Variants in GRK5 observed in about 807,000 individuals in gnomAD.
GRK5 encodes g protein-coupled receptor kinase GRK5.
GRK5 carries 40 observed loss-of-function variants against 78.4 expected under a neutral mutation model. The observed-to-expected ratio is 0.51, with a 90% confidence interval of 0.40 to 0.66. The LOEUF is 0.66. Ranked by LOEUF, GRK5 falls within the 30% of genes least tolerant of loss-of-function variation. The pLI is 0.00. For missense variants in GRK5, 598 were observed against 759.9 expected, an observed-to-expected ratio of 0.79 and a Z score of 2.50; for synonymous variants, 289 against 296.8, an observed-to-expected ratio of 0.97 and a Z score of 0.27.
chr10:119,419,944 G>A (rs1290372434), intron 4 of GRK5, among the ~76,000 whole-genome samples: 1 of 152,142 alleles, frequency 6.6e-6, no homozygotes, highest in Non-Finnish European at 1.5e-5. Flanking sequence ...GCAGAGTACC[G>A]GGGGCTAGGG....
At chr10:119,301,165 G>GAA in intron 1 of GRK5, among the ~76,000 whole-genome samples, 1 of 152,082 alleles carries the variant, frequency 6.6e-6, no homozygotes, top group East Asian at 1.9e-4. Flanking sequence ...TTCATAAAGT[G>GAA]ATGAAGTGCA....
intron 1 of GRK5, among the ~76,000 whole-genome samples, chr10:119,313,038 A>ACGG (rs1850398698): frequency 1.2e-4 from 1 of 8,180 alleles, no homozygotes; most frequent in Non-Finnish European, 2.8e-4. Flanking sequence ...GGCAGTGGTG[A>ACGG]TGGTGGTGGT....
intron 1 of GRK5, among the ~76,000 whole-genome samples, chr10:119,248,746 G>A (rs904477684): frequency 1.3e-5 from 2 of 152,208 alleles, no homozygotes; most frequent in Non-Finnish European, 2.9e-5. Flanking sequence ...TATGAAAACG[G>A]TGTGAAATTC....
intron 1 of GRK5, among the ~76,000 whole-genome samples, chr10:119,289,009 C>G (rs953287897): frequency 1.3e-5 from 2 of 150,968 alleles, no homozygotes; most frequent in Non-Finnish European, 1.5e-5. Flanking sequence ...AAAAAACATG[C>G]CTTTTCCCCC....
At chr10:119,272,220 T>C (rs1448205921) in intron 1 of GRK5, among the ~76,000 whole-genome samples, 1 of 152,214 alleles carries the variant, frequency 6.6e-6, no homozygotes, top group Non-Finnish European at 1.5e-5. Flanking sequence ...TGGCCTCTGC[T>C]CTCACCAGCT....
In GRK5 at chr10:119,253,644, G is replaced by T. The variant is rs369137889; in HGVS notation, c.52+45675G>T. Among the ~76,000 whole-genome samples the T allele has an allele frequency of 5.9e-5, 9 of 152,322 alleles. No homozygotes were observed. The highest frequency in any genetic ancestry group is 2.2e-4 in the African/African-American group (9 of 41,580). ...GCTCACCATAAAAATGGTGTGAGTGGCCAGCTCTTTTTTCACTGTGGCTCT... is the reference window on the plus strand; with the variant it reads ...GCTCACCATAAAAATGGTGTGAGTGTCCAGCTCTTTTTTCACTGTGGCTCT... On this transcript the variant is annotated intron_variant, in intron 1 of 15. Transcript: ENST00000392870. The surrounding 1 kb of genome is among the most constrained non-coding windows in gnomAD (Gnocchi z 5.7).
intron 3 of GRK5, 97 bp from the exon 4 acceptor site, chr10:119,396,598 G>A: frequency 3.0e-6 from 3 of 992,676 alleles, no homozygotes; most frequent in Non-Finnish European, 4.7e-6. Flanking sequence ...TGGTCAGGTG[G>A]CCTCTAGGGG....
chr10:119,240,458 C>T (rs1433766959), intron 1 of GRK5, among the ~76,000 whole-genome samples: 1 of 152,072 alleles, frequency 6.6e-6, no homozygotes, highest in Admixed American at 6.5e-5. Flanking sequence ...GCCTCAGCCT[C>T]CCAAAGTGCT....
chr10:119,295,978 A>G (rs1042939082), intron 1 of GRK5, among the ~76,000 whole-genome samples: 1 of 152,240 alleles, frequency 6.6e-6, no homozygotes, highest in Non-Finnish European at 1.5e-5. Context: ...AAAACCCATC[A>G]GGATGATTTG....
chr10:119,333,429 A>G (rs1850818442), intron 2 of GRK5: 1 of 207,424 alleles, frequency 4.8e-6, no homozygotes, highest in South Asian at 7.0e-5. Context: ...AGTCATGATC[A>G]CAGTGATGTC....
intron 2 of GRK5, among the ~76,000 whole-genome samples, chr10:119,369,915 G>A (rs531753684): frequency 4.0e-5 from 6 of 151,322 alleles, no homozygotes; most frequent in South Asian, 2.1e-4. Context: ...CTGACCCTCC[G>A]TTTACCCAGC....
At chr10:119,426,996 T>C (rs907989480) in intron 6 of GRK5, among the ~76,000 whole-genome samples, 1 of 88,228 alleles carries the variant, frequency 1.1e-5, no homozygotes, top group South Asian at 3.7e-4. Context: ...ATCACCACCA[T>C]CAACAGCATC....
At chr10:119,424,168 G>T (rs1176216930) in intron 5 of GRK5, among the ~76,000 whole-genome samples, 1 of 152,186 alleles carries the variant, frequency 6.6e-6, no homozygotes, top group African/African-American at 2.4e-5. Flanking sequence ...ATCCAACAGT[G>T]GGTGGGGTCT....
chr10:119,320,546 G>A (rs1379123673), intron 1 of GRK5, among the ~76,000 whole-genome samples: 2 of 152,208 alleles, frequency 1.3e-5, no homozygotes, highest in Non-Finnish European at 1.5e-5. Flanking sequence ...TCCATGGCAC[G>A]TGGAGAATGG....
At chr10:119,263,705 C>T (rs757233989) in intron 1 of GRK5, among the ~76,000 whole-genome samples, 11 of 152,104 alleles carry the variant, frequency 7.2e-5, no homozygotes, top group South Asian at 2.1e-4. Flanking sequence ...GGGCTGATCA[C>T]GATGTCAGAA....
intron 2 of GRK5, among the ~76,000 whole-genome samples, chr10:119,373,325 T>C (rs12415779): frequency 0.19 from 28,632 of 152,150 alleles, 3,023 homozygotes; most frequent in East Asian, 0.37. Flanking sequence ...CTAAATCTCA[T>C]GTTGAATTGT....
At chr10:119,351,086 G>A (rs924828313) in intron 2 of GRK5, among the ~76,000 whole-genome samples, 1 of 152,154 alleles carries the variant, frequency 6.6e-6, no homozygotes, top group Non-Finnish European at 1.5e-5. Context: ...AAATATGTCA[G>A]AATCATGTTA....
In GRK5 at chr10:119,209,854, T is replaced by C. The variant is rs1008126281; in HGVS notation, c.52+1885T>C. The stretch of plus-strand genomic sequence containing the variant: ...CTGCTGTAGATATTTGTTTGCCTGA[T>C]AGATGCTTTTTTTCTTCCCTGAGCA... On this transcript the variant is annotated intron_variant, in intron 1 of 15. Coordinates refer to ENST00000392870, the MANE Select transcript of GRK5 (RefSeq NM_005308.3). Among the ~76,000 whole-genome samples the C allele has an allele frequency of 4.6e-5, 7 of 152,338 alleles. No homozygotes were observed. In the South Asian group the frequency reaches 1.0e-3, roughly 23 times the overall value.
chr10:119,210,795 TGAA>T (rs1848474351), intron 1 of GRK5, among the ~76,000 whole-genome samples: 1 of 152,232 alleles, frequency 6.6e-6, no homozygotes, highest in South Asian at 2.1e-4. Flanking sequence ...AAACAGACCT[TGAA>T]GAAAGACAGG....
Sources: gnomAD v4.1 joint callset for allele counts (sites outside exome capture counted in the v4.1 genomes callset) on GRCh38, gnomAD v4.1.1 for gene constraint, Gnocchi (gnomAD v3.1) non-coding constraint, MANE v1.5 for transcripts, NCBI Gene and HGNC (gene_info 2026-07-23, HGNC 2026-07-21) for gene names.